Variants in HELZ observed in about 807,000 individuals in gnomAD.
HELZ encodes the protein ATP-dependent RNA helicase with zinc finger domain.
HELZ carries 23 observed loss-of-function variants against 218.2 expected under a neutral mutation model. That is an observed-to-expected ratio of 0.11 (90% CI 0.08 to 0.15). The LOEUF (loss-of-function observed/expected upper bound fraction) is 0.15, where lower values mean the gene tolerates loss of function less well. HELZ is among the 10% of genes least tolerant of loss of function. HELZ has a pLI of 1.00. For missense variants in HELZ, 1,813 were observed against 2,353.7 expected, an observed-to-expected ratio of 0.77 and a Z score of 4.75; for synonymous variants, 814 against 829.4, an observed-to-expected ratio of 0.98 and a Z score of 0.32.
At chr17:67,228,761 C>A (rs934900041) in intron 3 of HELZ, among the ~76,000 whole-genome samples, 3 of 151,710 alleles carry the variant, frequency 2.0e-5, no homozygotes, top group African/African-American at 7.3e-5. Context: ...TCTTGTTGCC[C>A]AGGCTGGAGT....
chr17:67,106,610 A>G (rs556292936), intron 31 of HELZ, among the ~76,000 whole-genome samples: 1 of 152,296 alleles, frequency 6.6e-6, no homozygotes, highest in South Asian at 2.1e-4. Context: ...CCCGGCAGAA[A>G]TATCTAAGTA....
chr17:67,164,912 G>A (rs918204410), intron 15 of HELZ, among the ~76,000 whole-genome samples: 1 of 152,124 alleles, frequency 6.6e-6, no homozygotes, highest in Non-Finnish European at 1.5e-5. Context: ...CTAACTCTGG[G>A]AGAAATATTT....
At chr17:67,105,095 T>C (rs1405249712) in intron 31 of HELZ, among the ~76,000 whole-genome samples, 1 of 152,174 alleles carries the variant, frequency 6.6e-6, no homozygotes, top group African/African-American at 2.4e-5. Flanking sequence ...ATCATGCCAC[T>C]GCGCTCCAGC....
At chr17:67,148,546 C>T (rs377457111) in intron 20 of HELZ, 23 bp downstream of exon 20, 187 of 1,597,354 alleles carry the variant, frequency 1.2e-4, no homozygotes, top group Admixed American at 8.8e-5. Context: ...AAGTATGACA[C>T]GGAGGGGGCA....
At chr17:67,119,993 CTTTTTTT>C (rs56893875) in intron 27 of HELZ, 77 of 161,954 alleles carry the variant, frequency 4.8e-4, no homozygotes, top group Admixed American at 2.5e-3. Flanking sequence ...TCTCCCTTTT[CTTTTTTT>C]TTTTTTTTTT....
intron 27 of HELZ, among the ~76,000 whole-genome samples, chr17:67,114,847 T>C (rs567573465): frequency 4.7e-4 from 71 of 152,312 alleles, no homozygotes; most frequent in Admixed American, 1.6e-3. Context: ...AATAAAGATA[T>C]TCAGAAAGTA....
At chr17:67,177,779 G>T (rs1016639376) in intron 13 of HELZ, among the ~76,000 whole-genome samples, 1 of 152,024 alleles carries the variant, frequency 6.6e-6, no homozygotes, top group African/African-American at 2.4e-5. Context: ...TCAAAAGTTA[G>T]ATCATAACTA....
At chr17:67,141,142 C>T (rs907997639) in intron 21 of HELZ, among the ~76,000 whole-genome samples, 6 of 152,094 alleles carry the variant, frequency 3.9e-5, no homozygotes, top group African/African-American at 1.4e-4. Context: ...AACAAAGAAT[C>T]TTGGTAAAGG....
At chr17:67,085,016 G>A (rs1285720342) in intron 32 of HELZ, among the ~76,000 whole-genome samples, 1 of 152,094 alleles carries the variant, frequency 6.6e-6, no homozygotes, top group Non-Finnish European at 1.5e-5. Flanking sequence ...TGAGGCAGGA[G>A]GAATCGCTTC....
At chr17:67,080,954 A>G (rs2036170181) in intron 32 of HELZ, among the ~76,000 whole-genome samples, 1 of 152,158 alleles carries the variant, frequency 6.6e-6, no homozygotes, top group Non-Finnish European at 1.5e-5. Context: ...CTTAAATTGG[A>G]CACGTAGTTG....
At chr17:67,106,222 T>C (rs2037094533) in intron 31 of HELZ, among the ~76,000 whole-genome samples, 1 of 151,722 alleles carries the variant, frequency 6.6e-6, no homozygotes, top group Admixed American at 6.5e-5. Flanking sequence ...GCTTTGGAAG[T>C]TTTATAACCT....
chr17:67,132,739 A>G (rs142999140), intron 23 of HELZ, among the ~76,000 whole-genome samples: 1 of 152,344 alleles, frequency 6.6e-6, no homozygotes, highest in East Asian at 1.9e-4. Context: ...CACTATATCC[A>G]TTTTTGATTA....
chr17:67,136,888 A>G (rs1247891117), intron 22 of HELZ, among the ~76,000 whole-genome samples: 1 of 152,194 alleles, frequency 6.6e-6, no homozygotes, highest in Non-Finnish European at 1.5e-5. Flanking sequence ...AATAACGTAA[A>G]TGAACTTAAT....
intron 32 of HELZ, among the ~76,000 whole-genome samples, chr17:67,086,325 C>G (rs796257698): frequency 2.6e-5 from 4 of 152,000 alleles, no homozygotes; most frequent in African/African-American, 7.2e-5. Flanking sequence ...CGGTGGCTCA[C>G]GCCTATAATC....
At chr17:67,122,893 G>A (rs2143838263) in intron 26 of HELZ, 77 bp downstream of exon 26, 3 of 1,045,434 alleles carry the variant, frequency 2.9e-6, no homozygotes, top group East Asian at 4.9e-5. Flanking sequence ...TTGGTAGAAT[G>A]CTATTTGGGA....
intron 17 of HELZ, among the ~76,000 whole-genome samples, chr17:67,152,193 T>G (rs1195767919): frequency 1.3e-5 from 2 of 152,192 alleles, no homozygotes; most frequent in African/African-American, 4.8e-5. Context: ...TTGCTGATTT[T>G]TGTGGTGTAA....
intron 17 of HELZ, among the ~76,000 whole-genome samples, chr17:67,154,085 C>T (rs955091730): frequency 1.3e-5 from 2 of 152,180 alleles, no homozygotes; most frequent in Non-Finnish European, 2.9e-5. Flanking sequence ...CTAGAGCAAA[C>T]TTAAATTATT....
intron 21 of HELZ, among the ~76,000 whole-genome samples, chr17:67,144,721 G>A (rs1007168783): frequency 6.6e-6 from 1 of 151,990 alleles, no homozygotes; most frequent in African/African-American, 2.4e-5. Context: ...ACAGGCCCTG[G>A]TTGCCACTTC....
intron 12 of HELZ, among the ~76,000 whole-genome samples, chr17:67,182,231 C>T (rs984455207): frequency 4.6e-5 from 7 of 152,058 alleles, no homozygotes; most frequent in African/African-American, 1.7e-4. Context: ...CACCTGAGGT[C>T]AGGAGTTCAA....
Sources: allele counts gnomAD v4.1 joint callset (sites outside exome capture counted in the v4.1 genomes callset), GRCh38; gene constraint gnomAD v4.1.1; transcripts MANE v1.5; gene names NCBI Gene and HGNC (gene_info 2026-07-23, HGNC 2026-07-21).